MAPK10: variants seen among roughly 807,000 people sequenced by gnomAD.
MAPK10 encodes the protein mitogen-activated protein kinase 10.
Under a neutral mutation model 59.3 loss-of-function variants are expected in MAPK10, and 25 were observed. The observed-to-expected ratio is 0.42, with a 90% CI of 0.31 to 0.59. MAPK10 has a LOEUF of 0.59. MAPK10 is among the 20% of genes least tolerant of loss of function. The pLI, the probability that MAPK10 is intolerant of heterozygous loss-of-function variation, is 0.15. For missense variants in MAPK10, 351 were observed against 568.9 expected (o/e 0.62, Z 3.90); for synonymous variants, 190 against 200.5 (o/e 0.95, Z 0.44).
At chr4:86,560,632 T>C (rs1243960272) in intron 1 of MAPK10, among the ~76,000 whole-genome samples, 1 of 152,220 alleles carries the variant, frequency 6.6e-6, no homozygotes, top group Non-Finnish European at 1.5e-5. Flanking sequence ...TAACAGCTAA[T>C]CTAAAGTAGT....
upstream of MAPK10, among the ~76,000 whole-genome samples, chr4:86,456,369 C>A (rs925221235): frequency 2.0e-5 from 3 of 151,900 alleles, no homozygotes; most frequent in African/African-American, 7.3e-5. Flanking sequence ...AAACAAAAAC[C>A]TGGTTATTTG....
At chr4:86,342,672 A>G (rs182591293) in intron 2 of MAPK10, among the ~76,000 whole-genome samples, 24 of 152,386 alleles carry the variant, frequency 1.6e-4, no homozygotes, top group African/African-American at 5.8e-4. Flanking sequence ...AGCTGAGCCT[A>G]GAATGAAATC....
chr4:86,081,470 A>G (rs2050637022), intron 9 of MAPK10: 1 of 152,024 alleles, frequency 6.6e-6, no homozygotes, highest in African/African-American at 2.4e-5. Context: ...TTAGGTGCCA[A>G]ATTATATAAG....
intron 1 of MAPK10, among the ~76,000 whole-genome samples, chr4:86,538,459 C>G (rs186568889): frequency 2.2e-4 from 34 of 152,262 alleles, no homozygotes; most frequent in African/African-American, 8.2e-4. Context: ...AGCCACTGCG[C>G]CCGGTCCAAT....
intron 2 of MAPK10, among the ~76,000 whole-genome samples, chr4:86,283,221 C>G (rs1204036125): frequency 6.6e-6 from 1 of 152,008 alleles, no homozygotes; most frequent in African/African-American, 2.4e-5. Context: ...AAGCCCTGGC[C>G]CAGTTCTGGA....
chr4:86,357,653 A>G (rs937908665), intron 1 of MAPK10: 3 of 152,238 alleles, frequency 2.0e-5, no homozygotes, highest in African/African-American at 7.2e-5. Context: ...AATGACAGCA[A>G]AAACACACTC....
At chr4:86,067,332 C>T (rs777677575) in intron 10 of MAPK10, among the ~76,000 whole-genome samples, 1 of 151,918 alleles carries the variant, frequency 6.6e-6, no homozygotes, top group Non-Finnish European at 1.5e-5. Flanking sequence ...TTAGGAGAGA[C>T]GCAGTTTCAC....
chr4:86,523,534 T>C (rs1361820853), intron 1 of MAPK10, among the ~76,000 whole-genome samples: 3 of 152,246 alleles, frequency 2.0e-5, no homozygotes, highest in Non-Finnish European at 4.4e-5. Context: ...TCTTGCTTCA[T>C]CACTTCTCTG....
At chr4:86,455,429 C>G (rs1751146104), upstream of MAPK10, among the ~76,000 whole-genome samples, 1 of 152,094 alleles carries the variant, frequency 6.6e-6, no homozygotes, top group African/African-American at 2.4e-5. Context: ...CACATAAGGA[C>G]TCACATAAAT....
intron 1 of MAPK10, among the ~76,000 whole-genome samples, chr4:86,400,036 T>A (rs1743487483): frequency 6.6e-6 from 1 of 152,214 alleles, no homozygotes. Context: ...TTGTGGTATA[T>A]GTTGCTAATA....
intron 2 of MAPK10, among the ~76,000 whole-genome samples, chr4:86,212,891 T>A (rs930375800): frequency 2.6e-5 from 4 of 152,102 alleles, no homozygotes; most frequent in Admixed American, 6.6e-5. Context: ...CAATAGCTAA[T>A]AGACGTATAC....
At chr4:86,438,996 T>C in intron 1 of MAPK10, among the ~76,000 whole-genome samples, 1 of 152,212 alleles carries the variant, frequency 6.6e-6, no homozygotes. Context: ...ATGCTGACTG[T>C]GGTTCGATGG....
At chr4:86,413,409 C>T (rs1027992473) in intron 1 of MAPK10, among the ~76,000 whole-genome samples, 3 of 152,202 alleles carry the variant, frequency 2.0e-5, no homozygotes, top group African/African-American at 7.2e-5. Context: ...GGTGCTTGAA[C>T]GCCATGCTGG....
intron 11 of MAPK10, among the ~76,000 whole-genome samples, chr4:86,052,324 T>C (rs1324226789): frequency 2.0e-5 from 3 of 152,150 alleles, no homozygotes; most frequent in African/African-American, 7.2e-5. Context: ...ATCAGCATTT[T>C]TGCAGTCCCC....
At chr4:86,296,164 A>G (rs2095356681) in intron 2 of MAPK10, among the ~76,000 whole-genome samples, 1 of 147,802 alleles carries the variant, frequency 6.8e-6, no homozygotes, top group South Asian at 2.2e-4. Context: ...TGACAGAGTA[A>G]GACTTGGTCT....
chr4:86,318,967 G>A (rs183682740), intron 2 of MAPK10, among the ~76,000 whole-genome samples: 42 of 152,218 alleles, frequency 2.8e-4, no homozygotes, highest in Non-Finnish European at 4.3e-4. Flanking sequence ...GTAGAAAGGC[G>A]GAGTTTTCTA....
At chr4:86,221,541 C>G (rs181489797) in intron 2 of MAPK10, among the ~76,000 whole-genome samples, 30 of 151,960 alleles carry the variant, frequency 2.0e-4, no homozygotes, top group African/African-American at 6.5e-4. Flanking sequence ...GGCAGGAGTT[C>G]AGTGGGGTGA....
chr4:86,556,779 G>A (rs1265201469), intron 1 of MAPK10, among the ~76,000 whole-genome samples: 3 of 151,972 alleles, frequency 2.0e-5, no homozygotes, highest in Non-Finnish European at 4.4e-5. Flanking sequence ...ATGATAACCT[G>A]GAAAGTATCT....
intron 5 of MAPK10, among the ~76,000 whole-genome samples, chr4:86,105,639 G>A (rs567795965): frequency 2.0e-4 from 30 of 151,998 alleles, no homozygotes; most frequent in African/African-American, 6.8e-4. Context: ...CATCCTCCTT[G>A]GTATAACAGA....
Sources: gnomAD v4.1 joint callset for allele counts (sites outside exome capture counted in the v4.1 genomes callset) on GRCh38, gnomAD v4.1.1 for gene constraint, MANE v1.5 for transcripts, NCBI Gene and HGNC (gene_info 2026-07-23, HGNC 2026-07-21) for gene names.